The following SFRP4 variants were observed in gnomAD, a reference collection of about 807,000 sequenced individuals.
The protein encoded by SFRP4 is secreted frizzled-related protein 4.
Under a neutral mutation model 36.3 loss-of-function variants are expected in SFRP4, and 25 were observed. That is an observed-to-expected ratio of 0.69 (90% CI 0.50 to 0.96). SFRP4 has a LOEUF of 0.96. SFRP4 is among the 40% of genes least tolerant of loss of function. SFRP4 has a pLI of 0.00. For synonymous variants in SFRP4, 182 were observed against 168.8 expected (o/e 1.08, Z -0.60); for missense variants, 487 against 459.6 (o/e 1.06, Z -0.54).
chr7:37,909,676 T>C lies in SFRP4; in HGVS notation c.796A>G (p.Met266Val). 1.3e-6 allele frequency: 2 copies of C among 1,569,902 alleles called. No homozygotes were observed. The highest frequency in any genetic ancestry group is 1.7e-6 in the Non-Finnish European group (2 of 1,152,678). Residue 266 changes from methionine (M) to valine (V), a missense_variant, in exon 5 of 6, where the codon ATG becomes GTG. Coordinates refer to ENST00000436072, the MANE Select transcript of SFRP4 (RefSeq NM_003014.4). Reference protein sequence around the residue: ...IMCYEWRSRMMLLENCLVEKW... With the variant: ...IMCYEWRSRMVLLENCLVEKW... ...TCAACTAAGCAATTTTCAAGAAGCATCATCCTGAAAAAAAATTATCTTAGT... is the reference window on the plus strand; with the variant it reads ...TCAACTAAGCAATTTTCAAGAAGCACCATCCTGAAAAAAAATTATCTTAGT...
Position 37,912,073 on chromosome 7 carries a change from C to A in SFRP4, c.791+46G>T, listed in dbSNP as rs776215609. The stretch of plus-strand genomic sequence containing the variant: ...CATGACTGCTAACTGAGATTGAGGT[C>A]TTCCTAACAGTGTGCATACAGTTCC... On this transcript the variant is annotated intron_variant, in intron 4 of 5. Coordinates refer to ENST00000436072, the MANE Select transcript of SFRP4 (RefSeq NM_003014.4). The A allele has an allele frequency of 2.8e-6, 4 of 1,423,498 alleles. 1 individual carries two copies. The South Asian group carries it at 4.8e-5, about 17-fold the overall frequency. 88.2% of individuals were successfully genotyped at this position (1,423,498 alleles called of 1,614,324 possible).
Position 37,916,179 on chromosome 7 carries a change from G to T in SFRP4, c.359C>A (p.Pro120His). 1 of 1,614,148 alleles carries T rather than the reference G, an allele frequency of 6.2e-7. No homozygotes were observed. The highest frequency in any genetic ancestry group is 1.1e-5 in the South Asian group (1 of 91,088). The change falls in exon 1 of 6, where the codon CCC (proline) becomes CAC (histidine). Residue 120 changes from proline (P) to histidine (H), a missense_variant. Pro to His is a moderately conservative substitution (Grantham distance 77). Transcript: ENST00000436072. This position sits in a 1 kb window ranked among gnomAD's most constrained non-coding sequence, Gnocchi z 4.1. ...PLMKMYNHSW[P>H]ESLACDELPV... ...CAGCTCGTCGCAGGCCAGGCTTTCG[G>T]GCCAGCTGTGGTTGTACATCTTCAT...
rs1785402362 is a variant in SFRP4 at position 37,906,813 on chromosome 7, T to C, written c.*666A>G. The C allele has an allele frequency of 6.6e-6, 1 of 152,238 alleles. No individual in the cohort carries two copies. 9.4% of individuals were successfully genotyped at this position (152,238 alleles called of 1,614,324 possible). A position where few individuals can be genotyped will look rare whatever the true frequency, so the allele number is the denominator to read the frequency against. ...CCAGACATTGTCTGCCTCTCCTTTT[T>C]ATTTATTTTTCTTTATTATTATTTT... On this transcript the variant is annotated 3_prime_UTR_variant, in exon 6 of 6. Coordinates refer to ENST00000436072, the MANE Select transcript of SFRP4 (RefSeq NM_003014.4).
At chr7:37,913,171 C>A (rs986840221) in intron 3 of SFRP4, among the ~76,000 whole-genome samples, 3 of 152,106 alleles carry the variant, frequency 2.0e-5, no homozygotes, top group Non-Finnish European at 4.4e-5. Context: ...ATAGAGCAGG[C>A]TTTAAGAAAA....
At chr7:37,912,651 A>T (rs1227392895) in intron 3 of SFRP4, among the ~76,000 whole-genome samples, 1 of 152,164 alleles carries the variant, frequency 6.6e-6, no homozygotes, top group Non-Finnish European at 1.5e-5. Flanking sequence ...TGAAGTGGGG[A>T]TCATATATAT....
chr7:37,912,400 C>G, intron 3 of SFRP4, 83 bp from the exon 4 acceptor site: 1 of 1,110,764 alleles, frequency 9.0e-7, no homozygotes, highest in South Asian at 1.4e-5. Context: ...ACTTCTGAGC[C>G]TCTCTTAAAG....
rs1337321667 is a variant in SFRP4, at chr7:37,907,321, G to A, written c.*158C>T. ...TGATGGCTTACAAAGAAAAACTGAA[G>A]CATAGCCTTAAGAAAAATGCTGCAA... On this transcript the variant is annotated 3_prime_UTR_variant, in exon 6 of 6. Coordinates refer to ENST00000436072, the MANE Select transcript of SFRP4 (RefSeq NM_003014.4). The A allele has an allele frequency of 8.3e-6, 5 of 599,228 alleles. No homozygotes were observed. Among genetic ancestry groups the A allele is most frequent in the Non-Finnish European group, 1.4e-5 (5 of 348,024 alleles). 37.1% of individuals were successfully genotyped at this position (599,228 alleles called of 1,614,324 possible).
intron 3 of SFRP4, among the ~76,000 whole-genome samples, chr7:37,913,737 A>T (rs1344577772): frequency 4.6e-5 from 7 of 152,220 alleles, no homozygotes; most frequent in African/African-American, 1.2e-4. Flanking sequence ...TTTATTTAAG[A>T]TGTTAAATAT....
At position 37,916,490 on chromosome 7, in the gene SFRP4, C is replaced by T. The variant is rs776767479; in HGVS notation, c.48G>A (p.Ala16=). ...CGCAGGGCGCGCCGCGCACGCCCAGCGCCAGGTGCAGCCACAGGCACAGCG... is the reference window on the plus strand; with the variant it reads ...CGCAGGGCGCGCCGCGCACGCCCAGTGCCAGGTGCAGCCACAGGCACAGCG... ...LVALCLWLHL[A]LGVRGAPCEA... Residue 16 remains alanine (A), a synonymous_variant, in exon 1 of 6, where the codon GCG becomes GCA. Coordinates refer to ENST00000436072, the MANE Select transcript of SFRP4 (RefSeq NM_003014.4). The surrounding 1 kb of genome is among the most constrained non-coding windows in gnomAD (Gnocchi z 4.1). 1 of 1,612,546 alleles carries T rather than the reference C, an allele frequency of 6.2e-7. No individual in the cohort carries two copies. The highest frequency in any genetic ancestry group is 8.5e-7 in the Non-Finnish European group (1 of 1,179,536).
chr7:37,911,704 G>C (rs978523051), intron 4 of SFRP4, among the ~76,000 whole-genome samples: 3 of 152,144 alleles, frequency 2.0e-5, no homozygotes, highest in African/African-American at 7.2e-5. Context: ...ATATTATGAA[G>C]TGTTTATATG....
Position 37,916,043 on chromosome 7 carries a change from C to A in SFRP4, c.445+50G>T. 6.4e-7 allele frequency: 1 copy of A among 1,565,630 alleles called. No homozygotes were observed. Among genetic ancestry groups the A allele is most frequent in the Non-Finnish European group, 8.7e-7 (1 of 1,153,368 alleles). Reference sequence around the variant, plus strand: ...GGCCGCCCAGTTCTCGATTGGCAGCCACAGCCCCGGGCGCCTCCTCGCCTC... The same window carrying A: ...GGCCGCCCAGTTCTCGATTGGCAGCAACAGCCCCGGGCGCCTCCTCGCCTC... On this transcript the variant is annotated intron_variant, in intron 1 of 5. Transcript: ENST00000436072. The surrounding 1 kb of genome is among the most constrained non-coding windows in gnomAD (Gnocchi z 4.1).
At chr7:37,911,758 C>A (rs1330319121) in intron 4 of SFRP4, among the ~76,000 whole-genome samples, 1 of 152,162 alleles carries the variant, frequency 6.6e-6, no homozygotes, top group Non-Finnish European at 1.5e-5. Flanking sequence ...CTTACTTGAT[C>A]TGTAAGCTAT....
chr7:37,913,895 T>A (rs558829230), intron 3 of SFRP4, among the ~76,000 whole-genome samples: 1 of 152,300 alleles, frequency 6.6e-6, no homozygotes, highest in Admixed American at 6.5e-5. Flanking sequence ...AGAGAACAGG[T>A]GGGGTGTGCC....
chr7:37,914,044 A>T (rs554548577), intron 3 of SFRP4, among the ~76,000 whole-genome samples, 169 bp downstream of exon 3: 2 of 152,260 alleles, frequency 1.3e-5, no homozygotes, highest in African/African-American at 4.8e-5. Flanking sequence ...GATATTTTGC[A>T]GTTGTTATTG....
At chr7:37,915,713 A>G (rs182442820) in intron 1 of SFRP4, among the ~76,000 whole-genome samples, 6 of 152,264 alleles carry the variant, frequency 3.9e-5, no homozygotes, top group Non-Finnish European at 4.4e-5. Context: ...GAGTATTGGC[A>G]CCTGCTTGGT....
At chr7:37,913,653 T>C (rs941825259) in intron 3 of SFRP4, among the ~76,000 whole-genome samples, 2 of 152,220 alleles carry the variant, frequency 1.3e-5, no homozygotes, top group Non-Finnish European at 2.9e-5. Context: ...TTCTTTCAAG[T>C]AAGAGAGAGG....
chr7:37,915,360 A>G (rs1785557473), intron 1 of SFRP4, among the ~76,000 whole-genome samples: 1 of 152,272 alleles, frequency 6.6e-6, no homozygotes. Flanking sequence ...ATTCCAGCAC[A>G]GCAATATCAT....
intron 4 of SFRP4, 126 bp downstream of exon 4, chr7:37,911,993 T>G: frequency 1.6e-6 from 1 of 640,782 alleles, no homozygotes; most frequent in Admixed American, 2.9e-5. Context: ...CAGAGGCATC[T>G]GTTAAACTAA....
At position 37,907,328 on chromosome 7, in the gene SFRP4, C is replaced by A; in HGVS notation, c.*151G>T. On this transcript the variant is annotated 3_prime_UTR_variant, in exon 6 of 6. Coordinates refer to ENST00000436072, the MANE Select transcript of SFRP4 (RefSeq NM_003014.4). The stretch of plus-strand genomic sequence containing the variant: ...TTACAAAGAAAAACTGAAGCATAGC[C>A]TTAAGAAAAATGCTGCAAGATGTGT... 1.6e-6 allele frequency: 1 copy of A among 633,442 alleles called. No homozygotes were observed. The highest frequency in any genetic ancestry group is 2.7e-6 in the Non-Finnish European group (1 of 370,664). 39.2% of individuals were successfully genotyped at this position (633,442 alleles called of 1,614,324 possible).
Sources: allele counts gnomAD v4.1 joint callset (sites outside exome capture counted in the v4.1 genomes callset), GRCh38; gene constraint gnomAD v4.1.1; non-coding constraint Gnocchi (gnomAD v3.1); transcripts MANE v1.5; gene names NCBI Gene and HGNC (gene_info 2026-07-23, HGNC 2026-07-21).